Variants in NKAIN2 observed in about 807,000 individuals in gnomAD.
The protein encoded by NKAIN2 is sodium/potassium transporting ATPase interacting 2.
NKAIN2 carries 14 observed loss-of-function variants against 32.6 expected under a neutral mutation model. The observed-to-expected ratio is 0.43, with a 90% CI of 0.28 to 0.67. NKAIN2 has a LOEUF of 0.67. NKAIN2 is among the 30% of genes least tolerant of loss of function. The probability of loss-of-function intolerance (pLI) is 0.17; values close to 1 mark genes in which losing one functional copy is unlikely to be tolerated. For synonymous variants in NKAIN2, 80 were observed against 87.2 expected (o/e 0.92, Z 0.46); for missense variants, 198 against 258.3 (o/e 0.77, Z 1.60).
intron 3 of NKAIN2, among the ~76,000 whole-genome samples, chr6:124,429,452 C>G (rs1775119031): frequency 1.3e-5 from 2 of 152,172 alleles, no homozygotes; most frequent in Non-Finnish European, 2.9e-5. Context: ...GAAGTCTCTC[C>G]TCTGTGTTCC....
At chr6:124,274,289 A>G (rs559665118) in intron 1 of NKAIN2, among the ~76,000 whole-genome samples, 1 of 152,208 alleles carries the variant, frequency 6.6e-6, no homozygotes, top group African/African-American at 2.4e-5. Flanking sequence ...AGTAATAGTA[A>G]TAATCATGGT....
intron 2 of NKAIN2, among the ~76,000 whole-genome samples, chr6:124,353,570 C>T (rs1017454510): frequency 2.0e-5 from 3 of 151,896 alleles, no homozygotes; most frequent in Non-Finnish European, 4.4e-5. Context: ...CTGGCTAACA[C>T]GGTGAAACCC....
chr6:124,000,868 C>A (rs902427066), intron 1 of NKAIN2, among the ~76,000 whole-genome samples: 5 of 152,056 alleles, frequency 3.3e-5, no homozygotes, highest in African/African-American at 1.2e-4. Context: ...GTGTCATTGG[C>A]ATAGATGTTT....
chr6:124,761,569 T>A (rs1292149148), intron 4 of NKAIN2, among the ~76,000 whole-genome samples: 1 of 152,178 alleles, frequency 6.6e-6, no homozygotes, highest in African/African-American at 2.4e-5. Context: ...TCTTGACAAA[T>A]AGAATACTAT....
chr6:124,507,587 T>C (rs1778536555), intron 3 of NKAIN2, among the ~76,000 whole-genome samples: 1 of 152,180 alleles, frequency 6.6e-6, no homozygotes, highest in African/African-American at 2.4e-5. Flanking sequence ...GCATTTTGTG[T>C]ATGTTTTCAT....
intron 1 of NKAIN2, chr6:124,282,327 T>A (rs556016143): frequency 3.1e-6 from 1 of 318,678 alleles, no homozygotes; most frequent in Admixed American, 4.6e-5. Flanking sequence ...TTGTTCTAAT[T>A]TTCTTTTAGG....
chr6:124,500,810 G>C (rs1195711309), intron 3 of NKAIN2, among the ~76,000 whole-genome samples: 1 of 152,016 alleles, frequency 6.6e-6, no homozygotes, highest in Admixed American at 6.5e-5. Flanking sequence ...TGGAGAAAAG[G>C]GTTTTTAGAT....
intron 1 of NKAIN2, among the ~76,000 whole-genome samples, chr6:124,171,610 G>A (rs1023355776): frequency 1.3e-3 from 170 of 135,104 alleles, no homozygotes; most frequent in African/African-American, 4.6e-3. Context: ...GGAGTGCAGT[G>A]GTACCATCTC....
chr6:124,234,686 G>A (rs550399304), intron 1 of NKAIN2, among the ~76,000 whole-genome samples: 7 of 151,932 alleles, frequency 4.6e-5, no homozygotes, highest in African/African-American at 1.2e-4. Context: ...ATCCTCCATC[G>A]GTGTTGTCTA....
At chr6:124,642,989 C>T (rs1394281520) in intron 3 of NKAIN2, among the ~76,000 whole-genome samples, 1 of 152,118 alleles carries the variant, frequency 6.6e-6, no homozygotes, top group Non-Finnish European at 1.5e-5. Context: ...AGGTCAAGCA[C>T]TCAGAATTTA....
chr6:124,820,287 ACTGT>A (rs2114882291), intron 6 of NKAIN2, among the ~76,000 whole-genome samples: 1 of 152,350 alleles, frequency 6.6e-6, no homozygotes, highest in East Asian at 1.9e-4. Flanking sequence ...CTGAAGGCAT[ACTGT>A]CTGAGATTAA....
intron 3 of NKAIN2, among the ~76,000 whole-genome samples, chr6:124,434,328 A>T (rs1016901890): frequency 8.5e-5 from 13 of 152,168 alleles, no homozygotes; most frequent in African/African-American, 2.7e-4. Flanking sequence ...GTTATTTTTT[A>T]AAAAAGACAC....
At chr6:124,187,927 A>T (rs1789824150) in intron 1 of NKAIN2, among the ~76,000 whole-genome samples, 1 of 152,180 alleles carries the variant, frequency 6.6e-6, no homozygotes. Flanking sequence ...CATAAGAATG[A>T]TGCTGTTTGA....
intron 3 of NKAIN2, among the ~76,000 whole-genome samples, chr6:124,550,379 C>CT (rs545350844): frequency 2.8e-4 from 42 of 151,922 alleles, no homozygotes; most frequent in East Asian, 1.7e-3. Flanking sequence ...GTTTTCTATT[C>CT]TTTTTTTTCC....
intron 3 of NKAIN2, among the ~76,000 whole-genome samples, chr6:124,612,267 TA>T (rs1257415949): frequency 2.0e-5 from 3 of 151,882 alleles, no homozygotes; most frequent in Admixed American, 6.6e-5. Context: ...TAAAAACTGC[TA>T]GGGGGAAAAA....
intron 1 of NKAIN2, among the ~76,000 whole-genome samples, chr6:123,818,955 T>C (rs1773810440): frequency 6.6e-6 from 1 of 152,108 alleles, no homozygotes; most frequent in Admixed American, 6.6e-5. Flanking sequence ...CCACTGAAAG[T>C]GCAGGTGAGT....
In NKAIN2 at chr6:124,323,571, C is replaced by T. The variant is rs1797282380; in HGVS notation, c.193-31696C>T. 4.6e-5 allele frequency among the ~76,000 whole-genome samples: 7 copies of T among 152,174 alleles called. No homozygotes were observed. The South Asian group carries it at 1.5e-3, about 32-fold the overall frequency. ...ACTACTCTTTCCCCCCACTTAATCACTTTTGTACCTTTCTCAAAAATTAGG... is the reference window on the plus strand; with the variant it reads ...ACTACTCTTTCCCCCCACTTAATCATTTTTGTACCTTTCTCAAAAATTAGG... On this transcript the variant is annotated intron_variant, in intron 2 of 6. Coordinates refer to ENST00000368417, the MANE Select transcript of NKAIN2 (RefSeq NM_001040214.3).
chr6:123,843,952 C>A (rs951608440), intron 1 of NKAIN2, among the ~76,000 whole-genome samples: 1 of 152,214 alleles, frequency 6.6e-6, no homozygotes, highest in Non-Finnish European at 1.5e-5. Context: ...GTGATACACT[C>A]TTCCCTGGTT....
chr6:124,028,766 A>C (rs1046774382), intron 1 of NKAIN2, among the ~76,000 whole-genome samples: 8 of 139,814 alleles, frequency 5.7e-5, no homozygotes, highest in East Asian at 2.0e-4. Flanking sequence ...CAAGTATATA[A>C]GTGTATATAC....
Sources: allele counts gnomAD v4.1 joint callset (sites outside exome capture counted in the v4.1 genomes callset), GRCh38; gene constraint gnomAD v4.1.1; transcripts MANE v1.5; gene names NCBI Gene and HGNC (gene_info 2026-07-23, HGNC 2026-07-21).